AGBL4: variants seen among roughly 807,000 people sequenced by gnomAD.
AGBL4 encodes the protein AGBL carboxypeptidase 4, also known as cytosolic carboxypeptidase 6.
Under a neutral mutation model 66.4 loss-of-function variants are expected in AGBL4, and 58 were observed. The ratio of observed to expected loss-of-function variants is 0.87; its 90% CI spans 0.71 to 1.09. AGBL4 has a LOEUF of 1.09. Among genes scored for constraint, AGBL4 ranks in the 50% least tolerant of loss-of-function variants. The pLI, the probability that AGBL4 is intolerant of heterozygous loss-of-function variation, is 0.00. For synonymous variants in AGBL4, 234 were observed against 222.9 expected, an observed-to-expected ratio of 1.05 and a Z score of -0.44; for missense variants, 579 against 631.0, an observed-to-expected ratio of 0.92 and a Z score of 0.88.
chr1:49,041,298 G>C (rs546415658), intron 5 of AGBL4, among the ~76,000 whole-genome samples: 1 of 152,048 alleles, frequency 6.6e-6, no homozygotes, highest in South Asian at 2.1e-4. Context: ...AAATACCCTG[G>C]TAACTGAGAA....
intron 3 of AGBL4, among the ~76,000 whole-genome samples, chr1:49,479,350 TAC>T: frequency 6.6e-6 from 1 of 152,170 alleles, no homozygotes; most frequent in South Asian, 2.1e-4. Flanking sequence ...GCGGGTATGT[TAC>T]ATAGGTAAAC....
chr1:49,727,529 T>G (rs1649122780), intron 2 of AGBL4, among the ~76,000 whole-genome samples: 1 of 152,148 alleles, frequency 6.6e-6, no homozygotes. Context: ...TTTGAACCAA[T>G]TAAAACGTTT....
intron 4 of AGBL4, among the ~76,000 whole-genome samples, chr1:49,098,263 G>C (rs1055747400): frequency 6.6e-6 from 1 of 152,240 alleles, no homozygotes; most frequent in African/African-American, 2.4e-5. Context: ...GAAAATTGGA[G>C]TACATGTGTT....
At chr1:49,370,941 TC>T (rs1644328173) in intron 3 of AGBL4, among the ~76,000 whole-genome samples, 1 of 152,120 alleles carries the variant, frequency 6.6e-6, no homozygotes. Flanking sequence ...CCTCATCCAA[TC>T]AGTTGAAAGC....
chr1:49,346,936 G>A (rs1412676583), intron 3 of AGBL4, among the ~76,000 whole-genome samples: 1 of 152,182 alleles, frequency 6.6e-6, no homozygotes, highest in African/African-American at 2.4e-5. Context: ...TTATGGTTAA[G>A]GGAGCAGGTT....
chr1:49,414,720 G>A (rs1645391334), intron 3 of AGBL4, among the ~76,000 whole-genome samples: 1 of 152,100 alleles, frequency 6.6e-6, no homozygotes, highest in Non-Finnish European at 1.5e-5. Context: ...ACAAAGGCTA[G>A]GTTCAAATCA....
chr1:49,711,026 G>A (rs1200965749), intron 2 of AGBL4, among the ~76,000 whole-genome samples: 4 of 151,708 alleles, frequency 2.6e-5, no homozygotes, highest in Non-Finnish European at 4.4e-5. Flanking sequence ...AACCACAAAG[G>A]AATACTACTG....
intron 1 of AGBL4, among the ~76,000 whole-genome samples, chr1:49,968,404 T>C (rs1657758258): frequency 6.6e-6 from 1 of 152,160 alleles, no homozygotes; most frequent in African/African-American, 2.4e-5. Flanking sequence ...TTTTCAAATA[T>C]TTACATATAC....
At chr1:48,557,109 C>A (rs1388942219) in intron 11 of AGBL4, among the ~76,000 whole-genome samples, 1 of 152,068 alleles carries the variant, frequency 6.6e-6, no homozygotes, top group Non-Finnish European at 1.5e-5. Context: ...TTTTTTTCAC[C>A]AGGTTACCAA....
intron 4 of AGBL4, among the ~76,000 whole-genome samples, chr1:49,148,618 T>C (rs1646266282): frequency 6.6e-6 from 1 of 152,200 alleles, no homozygotes. Flanking sequence ...AAGCAGGATG[T>C]CCTGAGCCCT....
chr1:49,745,603 A>C (rs1358503283), intron 2 of AGBL4, among the ~76,000 whole-genome samples: 1 of 151,986 alleles, frequency 6.6e-6, no homozygotes, highest in Non-Finnish European at 1.5e-5. Context: ...CTTTAAGACA[A>C]AATATATTAC....
chr1:48,950,838 G>T (rs1033332790), intron 5 of AGBL4, among the ~76,000 whole-genome samples: 1 of 152,004 alleles, frequency 6.6e-6, no homozygotes, highest in Non-Finnish European at 1.5e-5. Context: ...TTCCCAGGGG[G>T]TCCTTTACTC....
chr1:49,578,744 G>A (rs1644484546), intron 3 of AGBL4, among the ~76,000 whole-genome samples: 1 of 152,152 alleles, frequency 6.6e-6, no homozygotes, highest in South Asian at 2.1e-4. Context: ...TATGTTAATT[G>A]TAATTATGAC....
At chr1:49,592,318 C>A (rs925160283) in intron 3 of AGBL4, among the ~76,000 whole-genome samples, 2 of 152,126 alleles carry the variant, frequency 1.3e-5, no homozygotes, top group African/African-American at 2.4e-5. Context: ...CACCTGTAAT[C>A]CCTGCACTTT....
chr1:49,491,453 T>C, intron 3 of AGBL4, among the ~76,000 whole-genome samples: 1 of 151,854 alleles, frequency 6.6e-6, no homozygotes, highest in East Asian at 1.9e-4. Flanking sequence ...GGCATAAGAC[T>C]TTAAGCACCT....
chr1:48,892,980 C>T (rs980296711), intron 5 of AGBL4, among the ~76,000 whole-genome samples: 6 of 152,114 alleles, frequency 3.9e-5, no homozygotes, highest in African/African-American at 1.2e-4. Flanking sequence ...TCAGAATACA[C>T]CCCTTCAAAA....
At chr1:49,118,281 C>T (rs991604137) in intron 4 of AGBL4, among the ~76,000 whole-genome samples, 7 of 152,132 alleles carry the variant, frequency 4.6e-5, no homozygotes, top group Admixed American at 1.3e-4. Context: ...GAGAGAGCAT[C>T]CTTGTCTTGT....
chr1:49,716,612 G>A (rs1456293764), intron 2 of AGBL4, among the ~76,000 whole-genome samples: 1 of 152,040 alleles, frequency 6.6e-6, no homozygotes, highest in Admixed American at 6.6e-5. Context: ...GGCATGCAAC[G>A]CTGGTTCAAC....
intron 3 of AGBL4, among the ~76,000 whole-genome samples, chr1:49,681,407 A>G (rs944537013): frequency 1.3e-5 from 2 of 152,202 alleles, no homozygotes; most frequent in African/African-American, 4.8e-5. Flanking sequence ...AGGTATGGAT[A>G]GAAGTCCAGA....
Sources: allele counts gnomAD v4.1 joint callset (sites outside exome capture counted in the v4.1 genomes callset), GRCh38; gene constraint gnomAD v4.1.1; transcripts MANE v1.5; gene names NCBI Gene and HGNC (gene_info 2026-07-23, HGNC 2026-07-21).